The following ZNF469 variants were observed in gnomAD, a reference collection of about 807,000 sequenced individuals.
ZNF469 encodes zinc finger protein 469.
Under a neutral mutation model 1.0 loss-of-function variants are expected in ZNF469, and 1 was observed. The observed-to-expected ratio is 1.00, with a 90% CI of 0.35 to 4.73. ZNF469 has a LOEUF of 4.73. ZNF469 is among the 30% of genes most tolerant of loss of function. The pLI is 0.16. For synonymous variants in ZNF469, 2,703 were observed against 2,363.4 expected (o/e 1.14, Z -4.17); for missense variants, 6,100 against 5,356.3 (o/e 1.14, Z -4.33).
At chr16:88,190,927 G>C in the ZNF469 span, among the ~76,000 whole-genome samples, 1 of 152,160 alleles carries the variant, frequency 6.6e-6, no homozygotes, top group Admixed American at 6.5e-5. Flanking sequence ...CCAACACCTG[G>C]ACCTTAGGAC....
the ZNF469 span, among the ~76,000 whole-genome samples, chr16:88,134,359 G>A: frequency 1.3e-5 from 2 of 152,216 alleles, no homozygotes; most frequent in South Asian, 4.1e-4. Flanking sequence ...GCTGTGTGCT[G>A]GAACCATGTG....
chr16:88,121,384 G>A, the ZNF469 span, among the ~76,000 whole-genome samples: 13 of 152,200 alleles, frequency 8.5e-5, no homozygotes, highest in African/African-American at 2.9e-4. Flanking sequence ...AAACTAAGCC[G>A]CTGTCGCCAG....
At chr16:88,238,312 G>A in the ZNF469 span, among the ~76,000 whole-genome samples, 5 of 152,184 alleles carry the variant, frequency 3.3e-5, no homozygotes, top group African/African-American at 4.8e-5. Context: ...TCCCTCTGTC[G>A]GGTGGAGAGC....
At chr16:88,256,192 CT>C in the ZNF469 span, among the ~76,000 whole-genome samples, 1 of 152,192 alleles carries the variant, frequency 6.6e-6, no homozygotes, top group African/African-American at 2.4e-5. Flanking sequence ...TAAAAATCCT[CT>C]CTGTCCTGCC....
At chr16:88,256,387 AT>A in the ZNF469 span, among the ~76,000 whole-genome samples, 1 of 152,142 alleles carries the variant, frequency 6.6e-6, no homozygotes, top group Non-Finnish European at 1.5e-5. Context: ...TTTGCAGCTC[AT>A]TTCTGTTTAG....
the ZNF469 span, among the ~76,000 whole-genome samples, chr16:88,106,982 G>A: frequency 2.0e-5 from 3 of 152,246 alleles, no homozygotes; most frequent in African/African-American, 4.8e-5. Flanking sequence ...CAGCCTCATG[G>A]GGTGAAGAGC....
chr16:88,297,089 C>T, the ZNF469 span, among the ~76,000 whole-genome samples: 2 of 152,226 alleles, frequency 1.3e-5, no homozygotes, highest in Non-Finnish European at 2.9e-5. Flanking sequence ...AAGCAGCCAG[C>T]GGCAGGCACC....
At chr16:88,103,798 G>A in the ZNF469 span, among the ~76,000 whole-genome samples, 1 of 149,276 alleles carries the variant, frequency 6.7e-6, no homozygotes, top group Non-Finnish European at 1.5e-5. Context: ...TGGGGGGTTG[G>A]TGGGATAATC....
chr16:88,406,080 G>T (rs529514292), intron 1 of ZNF469, among the ~76,000 whole-genome samples: 1 of 152,352 alleles, frequency 6.6e-6, no homozygotes. Context: ...GGCCTGGGAG[G>T]GAGCAGCCCG....
chr16:88,290,378 G>C, the ZNF469 span, among the ~76,000 whole-genome samples: 1 of 152,236 alleles, frequency 6.6e-6, no homozygotes, highest in Non-Finnish European at 1.5e-5. Context: ...AGTGGGTGTT[G>C]GGAGCCTTTC....
chr16:88,201,739 A>G, the ZNF469 span, among the ~76,000 whole-genome samples: 953 of 152,232 alleles, frequency 6.3e-3, 14 homozygotes, highest in African/African-American at 0.022. This position sits in a 1 kb window ranked among gnomAD's most constrained non-coding sequence, Gnocchi z 5.0. Context: ...AGGTCCTTAC[A>G]TGCCAGTGCC....
In ZNF469 at chr16:88,435,168, G is replaced by A. The variant is rs1906481921; in HGVS notation, c.7698G>A (p.Gly2566=). 1 of 1,550,198 alleles carries A rather than the reference G, an allele frequency of 6.5e-7. No individual in the cohort carries two copies. Among genetic ancestry groups the A allele is most frequent in the South Asian group, 1.2e-5 (1 of 84,066 alleles). Residue 2566 remains glycine, a synonymous_variant, in exon 3 of 3, where the codon GGG becomes GGA. Coordinates refer to ENST00000565624, the MANE Select transcript of ZNF469 (RefSeq NM_001367624.2). The stretch of plus-strand genomic sequence containing the variant: ...CAAAGGAGGTTCTCAGAGCACCGGG[G>A]TCCCCACACAGCCAGCAGCTGCACC... ...QGSKEVLRAP[G]SPHSQQLHPP... is the part of the protein sequence containing the mutation.
chr16:88,387,523 G>A (rs972852439), intron 1 of ZNF469, among the ~76,000 whole-genome samples: 9 of 152,208 alleles, frequency 5.9e-5, no homozygotes, highest in African/African-American at 4.8e-5. Context: ...CAGCGACAAC[G>A]CTGGGGGCGG....
chr16:88,161,746 A>G, the ZNF469 span, among the ~76,000 whole-genome samples: 1 of 152,214 alleles, frequency 6.6e-6, no homozygotes, highest in East Asian at 1.9e-4. Context: ...AAAGAAAAGA[A>G]GCTGAAATAA....
intron 1 of ZNF469, among the ~76,000 whole-genome samples, chr16:88,411,332 A>G (rs1165223120): frequency 6.6e-6 from 1 of 152,050 alleles, no homozygotes; most frequent in African/African-American, 2.4e-5. Flanking sequence ...CGAGGCCTCC[A>G]GAGCCCAACG....
At chr16:88,403,344 G>T (rs529865214) in intron 1 of ZNF469, among the ~76,000 whole-genome samples, 3 of 152,234 alleles carry the variant, frequency 2.0e-5, no homozygotes, top group Admixed American at 6.5e-5. Context: ...AATCCTCTGC[G>T]TGGGTTTGGT....
the ZNF469 span, among the ~76,000 whole-genome samples, chr16:88,353,277 C>T: frequency 6.6e-6 from 1 of 152,074 alleles, no homozygotes; most frequent in African/African-American, 2.4e-5. Flanking sequence ...GGGACCCTGG[C>T]TCTTTAAAAC....
chr16:88,282,308 CA>C, the ZNF469 span, among the ~76,000 whole-genome samples: 1 of 152,096 alleles, frequency 6.6e-6, no homozygotes, highest in African/African-American at 2.4e-5. Flanking sequence ...CACTGTGTTC[CA>C]GGGTGAAAAG....
At chr16:88,172,481 G>C in the ZNF469 span, among the ~76,000 whole-genome samples, 11 of 152,288 alleles carry the variant, frequency 7.2e-5, no homozygotes, top group African/African-American at 9.6e-5. Context: ...CAGAAAGATC[G>C]AACTGATTCC....
Sources: gnomAD v4.1 joint callset for allele counts (sites outside exome capture counted in the v4.1 genomes callset) on GRCh38, gnomAD v4.1.1 for gene constraint, Gnocchi (gnomAD v3.1) non-coding constraint, MANE v1.5 for transcripts, NCBI Gene and HGNC (gene_info 2026-07-23, HGNC 2026-07-21) for gene names.